Variants in COL18A1 observed in about 807,000 individuals in gnomAD.
COL18A1 encodes the protein collagen alpha-1(XVIII) chain.
In COL18A1, 133 loss-of-function variants were observed where a neutral mutation model predicts 168.0. That is an observed-to-expected ratio of 0.79 (90% confidence interval 0.69 to 0.91). The LOEUF (loss-of-function observed/expected upper bound fraction) is 0.91. COL18A1 is among the 40% of genes least tolerant of loss of function. The pLI is 0.00. For missense variants in COL18A1, 2,126 were observed against 1,925.4 expected, an observed-to-expected ratio of 1.10 and a Z score of -1.95; for synonymous variants, 949 against 809.0, an observed-to-expected ratio of 1.17 and a Z score of -2.94.
chr21:45,483,906 C>T (rs892375524), intron 15 of COL18A1, among the ~76,000 whole-genome samples: 2 of 151,496 alleles, frequency 1.3e-5, no homozygotes, highest in African/African-American at 4.9e-5. Flanking sequence ...CATGCACACA[C>T]ACACCTCTCC....
intron 2 of COL18A1, among the ~76,000 whole-genome samples, chr21:45,431,937 C>T (rs774796631): frequency 1.9e-4 from 29 of 152,132 alleles, no homozygotes; most frequent in African/African-American, 5.3e-4. Context: ...GCCCTGGTGA[C>T]GGCTGCTCTC....
chr21:45,512,824 GC>G lies in COL18A1; in HGVS notation c.*430del. The G allele has an allele frequency of 3.4e-6, 1 of 290,874 alleles. No homozygotes were observed. Among genetic ancestry groups the G allele is most frequent in the Non-Finnish European group, 6.7e-6 (1 of 150,086 alleles). The allele number at this position is 290,874 out of a possible 1,614,324, so 18.0% of individuals were successfully genotyped here. ...AAAACCCAGACCTGTTAGCAGACAG[GC>G]CCCGTGAGGCAATGGGAGCTGAGGC... On this transcript the variant is annotated 3_prime_UTR_variant, in exon 42 of 42. Coordinates refer to ENST00000651438, the MANE Select transcript of COL18A1 (RefSeq NM_001379500.1).
At chr21:45,497,119 G>A in intron 31 of COL18A1, 27 bp downstream of exon 31, 1 of 1,486,112 alleles carries the variant, frequency 6.7e-7, no homozygotes, top group Non-Finnish European at 9.3e-7. Flanking sequence ...CACAGCTGGG[G>A]ACACAGGCTC....
intron 40 of COL18A1, 110 bp downstream of exon 40, chr21:45,510,371 C>G: frequency 8.0e-7 from 1 of 1,249,864 alleles, no homozygotes; most frequent in East Asian, 2.5e-5. Flanking sequence ...CACCATGTTA[C>G]AGACACTGGC....
intron 2 of COL18A1, among the ~76,000 whole-genome samples, chr21:45,448,664 A>G (rs141409432): frequency 6.6e-6 from 1 of 152,384 alleles, no homozygotes; most frequent in East Asian, 1.9e-4. Flanking sequence ...CCACAGAGCC[A>G]CAGTGTCATT....
At position 45,498,230 on chromosome 21, in the gene COL18A1, G is replaced by T; in HGVS notation, c.2683+569G>T. 2 of 703,504 alleles carry T rather than the reference G, an allele frequency of 2.8e-6. No individual in the cohort carries two copies. Among genetic ancestry groups the T allele is most frequent in the Non-Finnish European group, 2.6e-6 (1 of 384,570 alleles). 43.6% of individuals were successfully genotyped at this position (703,504 alleles called of 1,614,324 possible). A position where few individuals can be genotyped will look rare whatever the true frequency, so the allele number is the denominator to read the frequency against. On this transcript the variant is annotated intron_variant, in intron 32 of 41. Transcript: ENST00000651438. The surrounding 1 kb of genome is among the most constrained non-coding windows in gnomAD (Gnocchi z 4.5). ...TGTGAGAAAACCACTGTTTGAGGAT[G>T]TCTGGGGGCTGGCAGAGCAGAAGCC...
Position 45,492,705 on chromosome 21 carries a change from G to GGCTT in COL18A1, c.2207_2210dup (p.Phe737LeufsTer15). The GGCTT allele has an allele frequency of 6.2e-7, 1 of 1,609,458 alleles. No individual in the cohort carries two copies. The highest frequency in any genetic ancestry group is 8.5e-7 in the Non-Finnish European group (1 of 1,179,032). On this transcript the variant is annotated frameshift_variant, in exon 24 of 42. Coordinates refer to ENST00000651438, the MANE Select transcript of COL18A1 (RefSeq NM_001379500.1). LOFTEE classifies it high-confidence loss of function. ...TCCCCAGGGCCGGCCGGGTTTCGCA[G>GGCTT]GCTTTCCCGTGAGTAACCTGGTGCC... is the stretch of plus-strand genomic sequence containing the variant.
chr21:45,483,429 G>A lies in COL18A1; in HGVS notation c.1701+608G>A, dbSNP rs148999476. On this transcript the variant is annotated intron_variant, in intron 15 of 41. Coordinates refer to ENST00000651438, the MANE Select transcript of COL18A1 (RefSeq NM_001379500.1). ...TTCCTTCGGGCAGCCTGAGGTCTGG[G>A]CCACAGCCTGCTTGACCAGACAATT... Among the ~76,000 whole-genome samples, 688 of 152,316 alleles carry A rather than the reference G, an allele frequency of 4.5e-3. 4 individuals are homozygous for A. The highest frequency in any genetic ancestry group is 6.8e-3 in the Non-Finnish European group (462 of 68,026).
intron 2 of COL18A1, 111 bp downstream of exon 2, chr21:45,405,584 GC>G: frequency 1.6e-6 from 1 of 613,240 alleles, no homozygotes; most frequent in Non-Finnish European, 2.2e-6. Context: ...TCTGGGTTCA[GC>G]CCCGGCCCTG....
At position 45,486,948 on chromosome 21, in the gene COL18A1, C is replaced by G. The variant is rs778696211; in HGVS notation, c.1789C>G (p.Pro597Ala). 3 of 1,485,364 alleles carry G rather than the reference C, an allele frequency of 2.0e-6. No homozygotes were observed. The highest frequency in any genetic ancestry group is 1.4e-5 in the African/African-American group (1 of 70,004). The allele number at this position is 1,485,364 out of a possible 1,614,324, so 92.0% of individuals were successfully genotyped here. Residue 597 changes from proline (P) to alanine (A), a missense_variant, in exon 16 of 42, where the codon CCT becomes GCT. Pro to Ala is a conservative substitution (Grantham distance 27, BLOSUM62 -1). Coordinates refer to ENST00000651438, the MANE Select transcript of COL18A1 (RefSeq NM_001379500.1). Reference sequence around the variant, plus strand: ...CGGACCTGCTGGACCACCAGGCCCCCCTGGGCCCCCTGGGCCCCCAGGACC... The same window carrying G: ...CGGACCTGCTGGACCACCAGGCCCCGCTGGGCCCCCTGGGCCCCCAGGACC... Reference protein sequence around the residue: ...APGPAGPPGPPGPPGPPGPGL... With the variant: ...APGPAGPPGPAGPPGPPGPGL...
In COL18A1 at chr21:45,437,795, G is replaced by C. The variant is rs1211473354; in HGVS notation, c.107-30447G>C. Among the ~76,000 whole-genome samples the C allele has an allele frequency of 2.0e-4, 6 of 30,604 alleles. 1 individual carries two copies. Among genetic ancestry groups the C allele is most frequent in the Admixed American group, 1.0e-3 (3 of 3,012 alleles). 20.1% of individuals were successfully genotyped at this position (30,604 alleles called of 152,430 possible). Reference sequence around the variant, plus strand: ...ACACACACACACTCACTCACACACAGACACACAGGCACTCTCCTGCACACA... The same window carrying C: ...ACACACACACACTCACTCACACACACACACACAGGCACTCTCCTGCACACA... On this transcript the variant is annotated intron_variant, in intron 2 of 41. Transcript: ENST00000651438.
chr21:45,452,104 C>T lies in COL18A1; in HGVS notation c.107-16138C>T, dbSNP rs560658064. On this transcript the variant is annotated intron_variant, in intron 2 of 41. Coordinates refer to ENST00000651438, the MANE Select transcript of COL18A1 (RefSeq NM_001379500.1). ...CTCCACCAAGGGGAAGAGGCCATGCCGAAACCCTGGTCCGCACTGCTCATG... is the reference window on the plus strand; with the variant it reads ...CTCCACCAAGGGGAAGAGGCCATGCTGAAACCCTGGTCCGCACTGCTCATG... Among the ~76,000 whole-genome samples the T allele has an allele frequency of 7.9e-5, 12 of 152,384 alleles. No individual in the cohort carries two copies. In the East Asian group the frequency reaches 1.7e-3, roughly 22 times the overall value.
chr21:45,507,714 ACCATCAGCC>A, intron 38 of COL18A1, 121 bp downstream of exon 38: 1 of 928,652 alleles, frequency 1.1e-6, no homozygotes, highest in Non-Finnish European at 1.7e-6. Flanking sequence ...CATGTGGCTC[ACCATCAGCC>A]CCTGCTGCAG....
At chr21:45,497,882 G>A (rs926462742) in intron 32 of COL18A1, 7 of 629,756 alleles carry the variant, frequency 1.1e-5, no homozygotes, top group African/African-American at 9.2e-5. Context: ...CAGCAAGATA[G>A]CCCCATCACC....
Position 45,505,835 on chromosome 21 carries a change from C to T in COL18A1, c.3088-3C>T, listed in dbSNP as rs761502514. 5 of 1,594,700 alleles carry T rather than the reference C, an allele frequency of 3.1e-6. No individual in the cohort carries two copies. Among genetic ancestry groups the T allele is most frequent in the Non-Finnish European group, 4.3e-6 (5 of 1,172,474 alleles). On this transcript the variant is annotated splice_polypyrimidine_tract_variant and splice_region_variant and intron_variant, in intron 36 of 41. Coordinates refer to ENST00000651438, the MANE Select transcript of COL18A1 (RefSeq NM_001379500.1). ...CCCACACCTCTGCATTTGGTCCCAG[C>T]AGGTGAGGCTCTGGGCTACACGCCA...
intron 26 of COL18A1, chr21:45,494,189 C>T (rs985382352): frequency 6.1e-5 from 29 of 472,836 alleles, no homozygotes; most frequent in African/African-American, 5.7e-4. Context: ...CACTATCCCA[C>T]CCAGCTGTGC....
chr21:45,505,732 A>C (rs1424770138), intron 36 of COL18A1, 106 bp from the exon 37 acceptor site: 2 of 952,412 alleles, frequency 2.1e-6, no homozygotes, highest in African/African-American at 3.2e-5. Context: ...ACCTGTCCAA[A>C]GCCCTGCGGC....
chr21:45,457,436 C>T lies in COL18A1; in HGVS notation c.107-10806C>T, dbSNP rs1395073218. 6.6e-6 allele frequency among the ~76,000 whole-genome samples: 1 copy of T among 152,328 alleles called. No homozygotes were observed. Among genetic ancestry groups the T allele is most frequent in the South Asian group, 2.1e-4 (1 of 4,830 alleles). On this transcript the variant is annotated intron_variant, in intron 2 of 41. Coordinates refer to ENST00000651438, the MANE Select transcript of COL18A1 (RefSeq NM_001379500.1). This position sits in a 1 kb window ranked among gnomAD's most constrained non-coding sequence, Gnocchi z 4.6. ...TCCTGAGAGGGAGCCTTTCATGTCC[C>T]CCTCCCCATCCTGAAGCACACAGCC...
chr21:45,445,663 G>A (rs2034488492), intron 2 of COL18A1, among the ~76,000 whole-genome samples: 1 of 152,190 alleles, frequency 6.6e-6, no homozygotes, highest in Admixed American at 6.5e-5. Context: ...GTGTAAAGCA[G>A]TGTCTTGTGG....
Sources: allele counts gnomAD v4.1 joint callset (sites outside exome capture counted in the v4.1 genomes callset), GRCh38; gene constraint gnomAD v4.1.1; non-coding constraint Gnocchi (gnomAD v3.1); transcripts MANE v1.5; gene names NCBI Gene and HGNC (gene_info 2026-07-23, HGNC 2026-07-21).